The following PITX1 variants were observed in gnomAD, a reference collection of about 807,000 sequenced individuals.
PITX1 encodes pituitary homeobox 1.
In PITX1, 5 loss-of-function variants were observed where a neutral mutation model predicts 24.1. The observed-to-expected ratio is 0.21, with a 90% confidence interval of 0.11 to 0.44. The LOEUF (loss-of-function observed/expected upper bound fraction) is 0.44. PITX1 is among the 20% of genes least tolerant of loss of function. The pLI, the probability that PITX1 is intolerant of heterozygous loss-of-function variation, is 0.99. For synonymous variants in PITX1, 213 were observed against 208.9 expected, an observed-to-expected ratio of 1.02 and a Z score of -0.17; for missense variants, 401 against 455.4, an observed-to-expected ratio of 0.88 and a Z score of 1.09.
chr5:135,029,646 G>A (rs890537448), intron 2 of PITX1, among the ~76,000 whole-genome samples: 4 of 152,026 alleles, frequency 2.6e-5, no homozygotes, highest in Non-Finnish European at 4.4e-5. Context: ...AAACAGGTTC[G>A]CTCTATCTAC....
Position 135,031,375 on chromosome 5 carries a change from C to T in PITX1, c.303G>A (p.Leu101=). 6.2e-7 allele frequency: 1 copy of T among 1,614,112 alleles called. No homozygotes were observed. Among genetic ancestry groups the T allele is most frequent in the Non-Finnish European group, 8.5e-7 (1 of 1,179,956 alleles). The part of the protein sequence containing the change: ...RQRTHFTSQQ[L]QELEATFQRN... The stretch of plus-strand genomic sequence containing the variant: ...TCTGGAACGTGGCCTCTAGCTCTTG[C>T]AACTGCTGGCTTGTGAAGTGCGTAC... Residue 101 remains leucine (L), a synonymous_variant, in exon 2 of 3, where the codon TTG becomes TTA. Transcript: ENST00000265340.
chr5:135,030,733 G>T (rs904025207), intron 2 of PITX1, among the ~76,000 whole-genome samples: 1 of 152,228 alleles, frequency 6.6e-6, no homozygotes, highest in Admixed American at 6.5e-5. Context: ...CCTACTGATG[G>T]CTGGGGAGGG....
At chr5:135,029,409 GC>G in intron 2 of PITX1, 88 bp from the exon 3 acceptor site, 5 of 1,077,162 alleles carry the variant, frequency 4.6e-6, no homozygotes, top group African/African-American at 3.2e-5. Flanking sequence ...CCTTCCGTCG[GC>G]CCGCTGCCCT....
At position 135,028,775 on chromosome 5, in the gene PITX1, G is replaced by A; in HGVS notation, c.*4C>T. The A allele has an allele frequency of 1.3e-6, 2 of 1,564,050 alleles. No individual in the cohort carries two copies. Among genetic ancestry groups the A allele is most frequent in the Non-Finnish European group, 8.7e-7 (1 of 1,151,678 alleles). ...CCGCCGGCCCGCGTGGTGCGGCGGG[G>A]CGGTCAGCTGTTGTACTGGCACGCG... On this transcript the variant is annotated 3_prime_UTR_variant, in exon 3 of 3. Transcript: ENST00000265340.
chr5:135,032,899 G>T, intron 1 of PITX1: 1 of 413,112 alleles, frequency 2.4e-6, no homozygotes, highest in Non-Finnish European at 4.9e-6. Flanking sequence ...CGCAGAAGAG[G>T]CGCCCACACC....
rs552751569 is a variant in PITX1, at chr5:135,029,425, A to ACGT, written c.403-107_403-105dup. The ACGT allele has an allele frequency of 5.9e-5, 53 of 901,638 alleles. No individual in the cohort carries two copies. The African/African-American group carries it at 8.1e-4, about 14-fold the overall frequency. The allele number at this position is 901,638 out of a possible 1,614,324, so 55.9% of individuals were successfully genotyped here. ...CTTCCGTCGGCCCGCTGCCCTCCGA[A>ACGT]CGTCGTTTCTCTCCTTCGACCGATA... On this transcript the variant is annotated intron_variant, in intron 2 of 2. Coordinates refer to ENST00000265340, the MANE Select transcript of PITX1 (RefSeq NM_002653.5).
rs1342398932 is a variant in PITX1 at position 135,028,759 on chromosome 5, C to T, written c.*20G>A. ...CCCTTCCCCGCTCCGGCCGCCGGCC[C>T]GCGTGGTGCGGCGGGGCGGTCAGCT... On this transcript the variant is annotated 3_prime_UTR_variant, in exon 3 of 3. Transcript: ENST00000265340. 6 of 1,550,606 alleles carry T rather than the reference C, an allele frequency of 3.9e-6. No homozygotes were observed. The highest frequency in any genetic ancestry group is 2.4e-5 in the East Asian group (1 of 42,316).
In PITX1 at chr5:135,033,734, A is replaced by G. The variant is rs746572751; in HGVS notation, c.148T>C (p.Ser50Pro). The G allele has an allele frequency of 2.6e-5, 42 of 1,593,596 alleles. No individual in the cohort carries two copies. In the South Asian group the frequency reaches 4.3e-4, roughly 16 times the overall value. ...TTACCTGGCAGCTCCGTGTCAGACG[A>G]CTCGCTGGCGGAGTTCTCGAGCGGC... ...REPLENSASE[S>P]SDTELPEKER... The change falls in exon 1 of 3, where the codon TCG becomes CCG. Residue 50 changes from serine to proline, a missense_variant. Transcript: ENST00000265340. This position sits in a 1 kb window ranked among gnomAD's most constrained non-coding sequence, Gnocchi z 5.9.
rs1360160372 is a variant in PITX1 at position 135,033,441 on chromosome 5, T to C, written c.169+272A>G. ...AATTCTTTCCCGTTCTATTTACTCC[T>C]GATCAAGAGGGGCTGTCAGTCCAAC... is the stretch of plus-strand genomic sequence containing the variant. On this transcript the variant is annotated intron_variant, in intron 1 of 2. Transcript: ENST00000265340. The surrounding 1 kb of genome is among the most constrained non-coding windows in gnomAD (Gnocchi z 5.9). 5.8e-6 allele frequency: 3 copies of C among 516,552 alleles called. No individual in the cohort carries two copies. The East Asian group carries it at 1.1e-4, about 19-fold the overall frequency. The allele number at this position is 516,552 out of a possible 1,614,324, so 32.0% of individuals were successfully genotyped here. A position where few individuals can be genotyped will look rare whatever the true frequency, so the allele number is the denominator to read the frequency against.
intron 1 of PITX1, chr5:135,031,735 G>A: frequency 1.7e-6 from 1 of 593,986 alleles, no homozygotes; most frequent in East Asian, 2.8e-5. Flanking sequence ...CGGAGCTGGA[G>A]CCGCGGGCCT....
At chr5:135,029,443 G>C (rs1244858880) in intron 2 of PITX1, 122 bp from the exon 3 acceptor site, 14 of 745,898 alleles carry the variant, frequency 1.9e-5, no homozygotes, top group Admixed American at 1.3e-4. Flanking sequence ...TCTCTCCTTC[G>C]ACCGATATTT....
chr5:135,032,479 C>T (rs6596189), intron 1 of PITX1, among the ~76,000 whole-genome samples: 30,331 of 152,108 alleles, frequency 0.2, 4,598 homozygotes, highest in African/African-American at 0.42. Flanking sequence ...AATTTAAATT[C>T]CCCAAATAAC....
At chr5:135,032,937 G>A (rs1163248425) in intron 1 of PITX1, 1 of 442,744 alleles carries the variant, frequency 2.3e-6, no homozygotes, top group Admixed American at 2.4e-5. Context: ...TCCGGAACCC[G>A]GCCGGCTGCG....
rs1247982915 is a variant in PITX1, at chr5:135,034,212, C to T, written c.-331G>A. ...CCGGTTTCTAAGGCTCCGGACGGCGCCGGCAGAGTCTGTCTTAAAGCGACA... is the reference window on the plus strand; with the variant it reads ...CCGGTTTCTAAGGCTCCGGACGGCGTCGGCAGAGTCTGTCTTAAAGCGACA... On this transcript the variant is annotated 5_prime_UTR_variant, in exon 1 of 3. Coordinates refer to ENST00000265340, the MANE Select transcript of PITX1 (RefSeq NM_002653.5). The T allele has an allele frequency of 2.7e-5, 4 of 150,888 alleles. No individual in the cohort carries two copies. The highest frequency in any genetic ancestry group is 9.7e-5 in the African/African-American group (4 of 41,216). 9.3% of individuals were successfully genotyped at this position (150,888 alleles called of 1,614,324 possible). A position where few individuals can be genotyped will look rare whatever the true frequency, so the allele number is the denominator to read the frequency against.
Position 135,030,121 on chromosome 5 carries a change from T to C in PITX1, c.403-800A>G, listed in dbSNP as rs189967253. On this transcript the variant is annotated intron_variant, in intron 2 of 2. Transcript: ENST00000265340. ...CTAGATTCTTCTAATCTTCCTGCCC[T>C]TCCTTTTCTCCCCCCAAATTTGGTA... Among the ~76,000 whole-genome samples, 21 of 152,328 alleles carry C rather than the reference T, an allele frequency of 1.4e-4. 1 individual carries two copies. Among genetic ancestry groups the C allele is most frequent in the Non-Finnish European group, 2.5e-4 (17 of 68,030 alleles).
At chr5:135,032,815 CACTT>C (rs1171539792) in intron 1 of PITX1, 1 of 318,960 alleles carries the variant, frequency 3.1e-6, no homozygotes, top group Admixed American at 4.4e-5. Context: ...TCAGAAAAAT[CACTT>C]AGGGATGCAA....
chr5:135,032,975 C>G, intron 1 of PITX1: 1 of 448,118 alleles, frequency 2.2e-6, no homozygotes, highest in South Asian at 1.6e-5. Flanking sequence ...TGCCCCACTG[C>G]CCGCGCCGGC....
Position 135,027,850 on chromosome 5 carries a change from G to C in PITX1, c.*929C>G, listed in dbSNP as rs1561469944. 6.6e-6 allele frequency: 1 copy of C among 152,374 alleles called. No homozygotes were observed. Among genetic ancestry groups the C allele is most frequent in the Admixed American group, 6.6e-5 (1 of 15,266 alleles). 9.4% of individuals were successfully genotyped at this position (152,374 alleles called of 1,614,324 possible). On this transcript the variant is annotated 3_prime_UTR_variant, in exon 3 of 3. Coordinates refer to ENST00000265340, the MANE Select transcript of PITX1 (RefSeq NM_002653.5). ...ACGCTGTAAACAGGGGCGCGGGCCG[G>C]AGAGCGGGTGTGCAAAGTGGGCGCA...
In PITX1 at chr5:135,033,747, G is replaced by C. The variant is rs989679028; in HGVS notation, c.135C>G (p.Asn45Lys). Residue 45 changes from asparagine (N) to lysine (K), a missense_variant, in exon 1 of 3, where the codon AAC (asparagine) becomes AAG (lysine). By Grantham distance (94) the Asn-to-Lys change is moderately conservative (BLOSUM62 0). Coordinates refer to ENST00000265340, the MANE Select transcript of PITX1 (RefSeq NM_002653.5). The surrounding 1 kb of genome is among the most constrained non-coding windows in gnomAD (Gnocchi z 5.9). ...RPADPREPLE[N>K]SASESSDTEL... ...CCGTGTCAGACGACTCGCTGGCGGA[G>C]TTCTCGAGCGGCTCGCGGGGGTCGG... The C allele has an allele frequency of 1.3e-6, 2 of 1,595,062 alleles. No individual in the cohort carries two copies. The highest frequency in any genetic ancestry group is 1.1e-5 in the South Asian group (1 of 90,252).
Sources: gnomAD v4.1 joint callset for allele counts (sites outside exome capture counted in the v4.1 genomes callset) on GRCh38, gnomAD v4.1.1 for gene constraint, Gnocchi (gnomAD v3.1) non-coding constraint, MANE v1.5 for transcripts, NCBI Gene and HGNC (gene_info 2026-07-23, HGNC 2026-07-21) for gene names.